Variants in ARHGEF26 observed in about 807,000 individuals in gnomAD.
ARHGEF26 encodes the protein Rho guanine nucleotide exchange factor 26.
In ARHGEF26, 59 loss-of-function variants were observed where a neutral mutation model predicts 89.4. That is an observed-to-expected ratio of 0.66 (90% CI 0.54 to 0.82). ARHGEF26 has a LOEUF of 0.82. Among genes scored for constraint, ARHGEF26 ranks in the 40% least tolerant of loss-of-function variants. The pLI, the probability that ARHGEF26 is intolerant of heterozygous loss-of-function variation, is 0.00. For missense variants in ARHGEF26, 1,234 were observed against 1,085.6 expected, an observed-to-expected ratio of 1.14 and a Z score of -1.92; for synonymous variants, 500 against 428.4, an observed-to-expected ratio of 1.17 and a Z score of -2.06.
chr3:154,240,291 C>A, intron 11 of ARHGEF26, 79 bp from the exon 12 acceptor site: 1 of 1,130,286 alleles, frequency 8.8e-7, no homozygotes, highest in Non-Finnish European at 1.3e-6. Flanking sequence ...GCTGTTTCCA[C>A]CAAAATGTGC....
At chr3:154,212,128 C>T (rs1715407732) in intron 9 of ARHGEF26, among the ~76,000 whole-genome samples, 1 of 152,058 alleles carries the variant, frequency 6.6e-6, no homozygotes, top group African/African-American at 2.4e-5. Context: ...TGCTTGAGCC[C>T]AGGAGTTCGA....
upstream of ARHGEF26, chr3:154,121,033 CAA>C (rs1289056621): frequency 2.0e-5 from 3 of 152,256 alleles, no homozygotes; most frequent in Non-Finnish European, 4.4e-5. Flanking sequence ...ACGCATCTCA[CAA>C]AGTCTACTAC....
chr3:154,182,429 GT>G (rs1458099169), intron 6 of ARHGEF26, among the ~76,000 whole-genome samples: 2 of 152,160 alleles, frequency 1.3e-5, no homozygotes, highest in African/African-American at 4.8e-5. Context: ...TGATCACACT[GT>G]GTCAACCAGG....
In ARHGEF26 at chr3:154,187,824, C is replaced by G. The variant is rs1213043533; in HGVS notation, c.1627C>G (p.Leu543Val). The G allele has an allele frequency of 1.2e-6, 2 of 1,608,314 alleles. No individual in the cohort carries two copies. Among genetic ancestry groups the G allele is most frequent in the East Asian group, 4.5e-5 (2 of 44,782 alleles). The stretch of plus-strand genomic sequence containing the variant: ...AAATGAAGTCTACCAACAACGAACA[C>G]TACAAAAATTGTTGTAAGCAATGTC... ...CTNEVYQQRT[L>V]QKLLATNPSF... The change falls in exon 7 of 15, where the codon CTA becomes GTA. Residue 543 changes from leucine (L) to valine (V), a missense_variant. Leu to Val is a conservative substitution (Grantham distance 32, BLOSUM62 1). Transcript: ENST00000465093.
chr3:154,165,237 G>T (rs1300092531), intron 6 of ARHGEF26, among the ~76,000 whole-genome samples: 1 of 151,800 alleles, frequency 6.6e-6, no homozygotes, highest in Non-Finnish European at 1.5e-5. Context: ...CAGTCTTCCT[G>T]GCCAATACCC....
At chr3:154,216,273 A>G (rs1195504711) in intron 9 of ARHGEF26, among the ~76,000 whole-genome samples, 1 of 151,904 alleles carries the variant, frequency 6.6e-6, no homozygotes, top group Non-Finnish European at 1.5e-5. Flanking sequence ...GAGATACTTG[A>G]GATGCAAAAT....
intron 6 of ARHGEF26, among the ~76,000 whole-genome samples, chr3:154,154,622 T>C (rs916529394): frequency 1.3e-5 from 2 of 152,058 alleles, no homozygotes; most frequent in African/African-American, 4.8e-5. Flanking sequence ...AAAATAAGCA[T>C]ATGCATATGC....
Position 154,253,202 on chromosome 3 carries a change from A to G in ARHGEF26, c.2368+19A>G. ...CGAACCTGTAAGTTCTCTCAAGGGG[A>G]AGCCCACTTGGGAACATGGATGGGC... is the stretch of plus-strand genomic sequence containing the variant. On this transcript the variant is annotated intron_variant, in intron 13 of 14. Coordinates refer to ENST00000465093, the MANE Select transcript of ARHGEF26 (RefSeq NM_015595.4). 2.5e-6 allele frequency: 4 copies of G among 1,613,844 alleles called. No homozygotes were observed. Among genetic ancestry groups the G allele is most frequent in the Non-Finnish European group, 3.4e-6 (4 of 1,179,778 alleles).
intron 11 of ARHGEF26, among the ~76,000 whole-genome samples, chr3:154,239,287 A>AGTGTGTGT (rs1717324770): frequency 2.9e-5 from 3 of 104,302 alleles, no homozygotes; most frequent in Admixed American, 9.6e-5. Flanking sequence ...AGAGAGAGAG[A>AGTGTGTGT]GAGAGAGAGA....
At chr3:154,242,790 C>G (rs1224376794) in intron 12 of ARHGEF26, among the ~76,000 whole-genome samples, 1 of 152,060 alleles carries the variant, frequency 6.6e-6, no homozygotes, top group African/African-American at 2.4e-5. Flanking sequence ...CCCAAACCTT[C>G]AGCAACCATC....
At chr3:154,224,939 G>C (rs1716394567) in intron 10 of ARHGEF26, among the ~76,000 whole-genome samples, 1 of 151,486 alleles carries the variant, frequency 6.6e-6, no homozygotes. Flanking sequence ...TCCTGAAAAG[G>C]GTGATGTTTG....
chr3:154,196,729 G>A (rs1398987251), intron 9 of ARHGEF26, among the ~76,000 whole-genome samples: 1 of 152,064 alleles, frequency 6.6e-6, no homozygotes, highest in Non-Finnish European at 1.5e-5. Context: ...ATTGCCAGTG[G>A]TGCTTCCTCC....
intron 11 of ARHGEF26, among the ~76,000 whole-genome samples, chr3:154,226,822 CTGT>C (rs1269197002): frequency 6.6e-6 from 1 of 152,086 alleles, no homozygotes. Context: ...AATCTGTGGG[CTGT>C]TATTTCCACA....
intron 9 of ARHGEF26, among the ~76,000 whole-genome samples, chr3:154,201,844 T>C (rs1311127559): frequency 3.3e-5 from 5 of 152,128 alleles, no homozygotes; most frequent in Non-Finnish European, 5.9e-5. Context: ...CACTTGTTGA[T>C]GGGGTTGTTT....
Position 154,225,797 on chromosome 3 carries a change from C to T in ARHGEF26, c.1936-59C>T, listed in dbSNP as rs182197388. On this transcript the variant is annotated intron_variant, in intron 10 of 14. Transcript: ENST00000465093. ...GAATGTACGTTTTAGCTTTTACTTTCAGTAAACTTAAAAGGATTTCAATTT... is the reference window on the plus strand; with the variant it reads ...GAATGTACGTTTTAGCTTTTACTTTTAGTAAACTTAAAAGGATTTCAATTT... The T allele has an allele frequency of 3.2e-4, 479 of 1,516,496 alleles. 2 individuals are homozygous for T. Among genetic ancestry groups the T allele is most frequent in the African/African-American group, 1.4e-5 (1 of 71,472 alleles). 93.9% of individuals were successfully genotyped at this position (1,516,496 alleles called of 1,614,324 possible).
At chr3:154,175,545 A>G (rs1355646053) in intron 6 of ARHGEF26, among the ~76,000 whole-genome samples, 1 of 152,172 alleles carries the variant, frequency 6.6e-6, no homozygotes, top group Non-Finnish European at 1.5e-5. Context: ...CCTATAGATA[A>G]TTTAGTAAAG....
At chr3:154,149,275 GTA>G in intron 4 of ARHGEF26, 112 bp from the exon 5 acceptor site, 1 of 642,904 alleles carries the variant, frequency 1.6e-6, no homozygotes, top group East Asian at 2.8e-5. Context: ...TCAACATTTT[GTA>G]TAGTTTCTCC....
intron 4 of ARHGEF26, among the ~76,000 whole-genome samples, chr3:154,141,747 G>C (rs931883710): frequency 2.0e-5 from 3 of 152,150 alleles, no homozygotes; most frequent in African/African-American, 7.2e-5. Context: ...ATTTTACAAG[G>C]CAGGAGTTAC....
At chr3:154,146,730 A>G (rs1452708093) in intron 4 of ARHGEF26, among the ~76,000 whole-genome samples, 1 of 152,216 alleles carries the variant, frequency 6.6e-6, no homozygotes, top group African/African-American at 2.4e-5. Flanking sequence ...ATGTATGCTT[A>G]TATTTTTAAC....
Sources: allele counts gnomAD v4.1 joint callset (sites outside exome capture counted in the v4.1 genomes callset), GRCh38; gene constraint gnomAD v4.1.1; transcripts MANE v1.5; gene names NCBI Gene and HGNC (gene_info 2026-07-23, HGNC 2026-07-21).